UNC5A: variants seen among roughly 807,000 people sequenced by gnomAD.
The protein encoded by UNC5A is unc-5 netrin receptor A.
Under a neutral mutation model 87.4 loss-of-function variants are expected in UNC5A, and 20 were observed. That is an observed-to-expected ratio of 0.23 (90% CI 0.16 to 0.33). The LOEUF (loss-of-function observed/expected upper bound fraction) is 0.33, where lower values mean the gene tolerates loss of function less well. UNC5A is among the 10% of genes least tolerant of loss of function. The pLI is 1.00. For synonymous variants in UNC5A, 438 were observed against 482.3 expected (o/e 0.91, Z 1.20); for missense variants, 844 against 1,133.4 (o/e 0.74, Z 3.67).
intron 1 of UNC5A, among the ~76,000 whole-genome samples, chr5:176,845,271 T>G (rs951933696): frequency 1.3e-5 from 2 of 152,124 alleles, no homozygotes; most frequent in Non-Finnish European, 2.9e-5. Flanking sequence ...TCTGACCCCC[T>G]CGTCCCTGCT....
chr5:176,859,189 G>C (rs879698176), intron 1 of UNC5A, among the ~76,000 whole-genome samples: 6 of 61,974 alleles, frequency 9.7e-5, no homozygotes, highest in Admixed American at 4.0e-4. Context: ...ATGGCTGCTA[G>C]AATGCCCTTG....
At chr5:176,845,641 A>G (rs148613134) in intron 1 of UNC5A, among the ~76,000 whole-genome samples, 371 of 152,360 alleles carry the variant, frequency 2.4e-3, no homozygotes, top group African/African-American at 8.6e-3. Flanking sequence ...GCCCTGGTCC[A>G]GGTGGATGAA....
chr5:176,836,523 C>G (rs1464467738), intron 1 of UNC5A, among the ~76,000 whole-genome samples: 1 of 152,084 alleles, frequency 6.6e-6, no homozygotes, highest in Non-Finnish European at 1.5e-5. Flanking sequence ...CTGTAAAGTT[C>G]AGTGCCACCG....
At chr5:176,818,702 AC>A (rs1425554440) in intron 1 of UNC5A, among the ~76,000 whole-genome samples, 1 of 152,240 alleles carries the variant, frequency 6.6e-6, no homozygotes, top group South Asian at 2.1e-4. Context: ...GTGGCTATTT[AC>A]TGCCAGGGCC....
Position 176,868,137 on chromosome 5 carries a change from C to T in UNC5A, c.300C>T (p.Pro100=), listed in dbSNP as rs1475857637. The T allele has an allele frequency of 6.3e-5, 101 of 1,612,656 alleles. No homozygotes were observed. The highest frequency in any genetic ancestry group is 8.4e-5 in the Non-Finnish European group (99 of 1,179,652). ...ERSTDGSSGL[P]TMEVRINVSR... is the part of the protein sequence containing the mutation. ...TGCCCCTCCCGCCCCCAGGGCTGCCCACCATGGAGGTCCGCATTAATGTCT... is the reference window on the plus strand; with the variant it reads ...TGCCCCTCCCGCCCCCAGGGCTGCCTACCATGGAGGTCCGCATTAATGTCT... The change falls in exon 3 of 15, where the codon CCC becomes CCT. Residue 100 remains proline, a synonymous_variant. Coordinates refer to ENST00000329542, the MANE Select transcript of UNC5A (RefSeq NM_133369.3).
intron 11 of UNC5A, 23 bp downstream of exon 11, chr5:176,878,150 C>A (rs139180356): frequency 1.0e-5 from 16 of 1,604,142 alleles, no homozygotes; most frequent in African/African-American, 1.3e-5. Context: ...CCTCACCCCC[C>A]GCCGCTGGGA....
At position 176,830,414 on chromosome 5, in the gene UNC5A, C is replaced by T. The variant is rs150608178; in HGVS notation, c.70+19594C>T. 2.1e-3 allele frequency among the ~76,000 whole-genome samples: 263 copies of T among 122,958 alleles called. 1 individual carries two copies. Among genetic ancestry groups the T allele is most frequent in the Admixed American group, 6.5e-3 (79 of 12,218 alleles). The allele number at this position is 122,958 out of a possible 152,430, so 80.7% of individuals were successfully genotyped here. ...GTGTGCTGGTGTGTGTGTGCCAGTG[C>T]GTGTGTGTGCTGCTGTGTGCTGGCA... On this transcript the variant is annotated intron_variant, in intron 1 of 14. Coordinates refer to ENST00000329542, the MANE Select transcript of UNC5A (RefSeq NM_133369.3).
rs201616869 is a variant in UNC5A, at chr5:176,870,840, C to T, written c.886+306C>T. On this transcript the variant is annotated intron_variant, in intron 6 of 14. Transcript: ENST00000329542. The stretch of plus-strand genomic sequence containing the variant: ...ACTCACCAACACCACAGCTTCACAT[C>T]TGCCCACGCTCACCCCACACCACAG... Among the ~76,000 whole-genome samples the T allele has an allele frequency of 9.3e-4, 140 of 150,208 alleles. 1 individual carries two copies. The highest frequency in any genetic ancestry group is 3.2e-3 in the East Asian group (16 of 5,012).
At chr5:176,819,731 T>C (rs1398620824) in intron 1 of UNC5A, among the ~76,000 whole-genome samples, 3 of 152,184 alleles carry the variant, frequency 2.0e-5, no homozygotes, top group African/African-American at 7.2e-5. Context: ...AAGGGTAGGA[T>C]TATGCAGATT....
At chr5:176,815,421 G>A (rs1756563871) in intron 1 of UNC5A, among the ~76,000 whole-genome samples, 1 of 152,242 alleles carries the variant, frequency 6.6e-6, no homozygotes, top group African/African-American at 2.4e-5. Flanking sequence ...AGAAAGGACA[G>A]GCTAAGCTTT....
intron 1 of UNC5A, among the ~76,000 whole-genome samples, chr5:176,840,481 C>T (rs1424553619): frequency 2.0e-5 from 3 of 152,226 alleles, no homozygotes; most frequent in Non-Finnish European, 2.9e-5. Context: ...TTTAATAACA[C>T]GTTGGGCTCT....
chr5:176,877,921 C>A lies in UNC5A; in HGVS notation c.1663C>A (p.Pro555Thr). The A allele has an allele frequency of 6.2e-7, 1 of 1,602,724 alleles. No individual in the cohort carries two copies. The highest frequency in any genetic ancestry group is 8.5e-7 in the Non-Finnish European group (1 of 1,179,568). Residue 555 changes from proline (P) to threonine (T), a missense_variant, in exon 11 of 15, where the codon CCC (proline) becomes ACC (threonine). Around this residue, in one of 3 missense-constraint regions of UNC5A, gnomAD observed 353 missense variants for 387.5 expected, o/e 0.91. Transcript: ENST00000329542. ...TGTGCTGCACCTGGGCGAGGAGGCGCCCTCCCACCTCTACTACTGCCAGCT... is the reference window on the plus strand; with the variant it reads ...TGTGCTGCACCTGGGCGAGGAGGCGACCTCCCACCTCTACTACTGCCAGCT... ...EDVLHLGEEAPSHLYYCQLEA... is the reference protein window; with the variant it reads ...EDVLHLGEEATSHLYYCQLEA...
chr5:176,870,274 C>A, intron 5 of UNC5A, 96 bp from the exon 6 acceptor site: 1 of 1,492,572 alleles, frequency 6.7e-7, no homozygotes, highest in Admixed American at 1.9e-5. Flanking sequence ...CCTTGCACTG[C>A]CTGGTCTGGT....
Position 176,880,477 on chromosome 5 carries a change from AC to A in UNC5A, c.*597del, listed in dbSNP as rs34171709. 1.3e-5 allele frequency: 2 copies of A among 153,190 alleles called. No individual in the cohort carries two copies. Among genetic ancestry groups the A allele is most frequent in the East Asian group, 1.9e-4 (1 of 5,176 alleles). The allele number at this position is 153,190 out of a possible 1,614,324, so 9.5% of individuals were successfully genotyped here. A position where few individuals can be genotyped will look rare whatever the true frequency, so the allele number is the denominator to read the frequency against. Reference sequence around the variant, plus strand: ...CACCCCCCTCCCGGGTCACGCAGACACCCCCCAACCACACACATCTCATGCT... The same window carrying A: ...CACCCCCCTCCCGGGTCACGCAGACACCCCCAACCACACACATCTCATGCT... On this transcript the variant is annotated 3_prime_UTR_variant, in exon 15 of 15. Coordinates refer to ENST00000329542, the MANE Select transcript of UNC5A (RefSeq NM_133369.3).
At chr5:176,836,250 A>C (rs568814519) in intron 1 of UNC5A, among the ~76,000 whole-genome samples, 1 of 152,224 alleles carries the variant, frequency 6.6e-6, no homozygotes, top group Non-Finnish European at 1.5e-5. Context: ...GGGAGATTGC[A>C]GCAAGCCATA....
At position 176,841,712 on chromosome 5, in the gene UNC5A, A is replaced by G. The variant is rs1170094973; in HGVS notation, c.71-20912A>G. Among the ~76,000 whole-genome samples, 3 of 152,234 alleles carry G rather than the reference A, an allele frequency of 2.0e-5. No homozygotes were observed. The highest frequency in any genetic ancestry group is 4.4e-5 in the Non-Finnish European group (3 of 68,044). On this transcript the variant is annotated intron_variant, in intron 1 of 14. Coordinates refer to ENST00000329542, the MANE Select transcript of UNC5A (RefSeq NM_133369.3). The surrounding 1 kb of genome is among the most constrained non-coding windows in gnomAD (Gnocchi z 4.1). ...TCCCACTCCCAAGAGAAGTAAAGAT[A>G]TATGTCCACCAAAGACCTGTCTGTG...
chr5:176,864,159 G>A (rs1020455774), intron 2 of UNC5A, among the ~76,000 whole-genome samples: 2 of 152,046 alleles, frequency 1.3e-5, no homozygotes, highest in South Asian at 4.1e-4. Flanking sequence ...AGGTGGCCCA[G>A]GAAGGATTCC....
chr5:176,817,347 G>A (rs1472247767), intron 1 of UNC5A, among the ~76,000 whole-genome samples: 1 of 152,094 alleles, frequency 6.6e-6, no homozygotes, highest in Non-Finnish European at 1.5e-5. Context: ...TGGGGAGGGA[G>A]GTCCGGACCC....
intron 1 of UNC5A, among the ~76,000 whole-genome samples, chr5:176,819,050 G>T (rs1001266253): frequency 6.6e-6 from 1 of 152,206 alleles, no homozygotes; most frequent in African/African-American, 2.4e-5. Flanking sequence ...AAATGGTTCT[G>T]GGCCCTTCCT....
Sources: allele counts gnomAD v4.1 joint callset (sites outside exome capture counted in the v4.1 genomes callset), GRCh38; gene constraint gnomAD v4.1.1; regional missense constraint gnomAD v4.1.1; non-coding constraint Gnocchi (gnomAD v3.1); transcripts MANE v1.5; gene names NCBI Gene and HGNC (gene_info 2026-07-23, HGNC 2026-07-21).